Variants in FRMPD4 observed in about 807,000 individuals in gnomAD.
FRMPD4 encodes FERM and PDZ domain containing 4.
FRMPD4 carries 22 observed loss-of-function variants against 94.1 expected under a neutral mutation model. The ratio of observed to expected loss-of-function variants is 0.23; its 90% CI spans 0.17 to 0.33. The LOEUF (loss-of-function observed/expected upper bound fraction) is 0.33. FRMPD4 is among the 10% of genes least tolerant of loss of function. FRMPD4 has a pLI of 1.00. For missense variants in FRMPD4, 1,111 were observed against 1,339.9 expected, an observed-to-expected ratio of 0.83 and a Z score of 2.67; for synonymous variants, 631 against 548.6, an observed-to-expected ratio of 1.15 and a Z score of -2.10.
intron 3 of FRMPD4, among the ~76,000 whole-genome samples, chrX:12,116,613 G>GT (rs1440726321): frequency 9.0e-6 from 1 of 111,534 alleles, no homozygotes; most frequent in East Asian, 2.8e-4. Context: ...CAGGAGAAGA[G>GT]TTAAGTCATT....
intron 1 of FRMPD4, among the ~76,000 whole-genome samples, chrX:12,345,131 AGGATGGATGGAT>A (rs372484963): frequency 5.3e-4 from 52 of 97,588 alleles, no homozygotes; most frequent in African/African-American, 1.3e-3. Context: ...GACAAATGAA[AGGATGGATGGAT>A]GGATGGATGG....
At chrX:12,573,627 G>C (rs968150357) in intron 2 of FRMPD4, among the ~76,000 whole-genome samples, 1 of 112,404 alleles carries the variant, frequency 8.9e-6, no homozygotes, top group African/African-American at 3.2e-5. Context: ...GTCACTTAAC[G>C]GGGGTCCATA....
intron 1 of FRMPD4, among the ~76,000 whole-genome samples, chrX:12,297,022 A>G (rs776259659): frequency 8.9e-6 from 1 of 112,446 alleles, no homozygotes; most frequent in Non-Finnish European, 1.9e-5. Context: ...TTTCTCCCAG[A>G]TTGTGAAGCT....
At chrX:12,217,131 C>T (rs762111021) in intron 1 of FRMPD4, among the ~76,000 whole-genome samples, 1 of 111,945 alleles carries the variant, frequency 8.9e-6, no homozygotes, top group Non-Finnish European at 1.9e-5. Context: ...TGTCAGTGGA[C>T]ATTATTTGAA....
In FRMPD4 at chrX:11,966,303, C is replaced by A. The variant is rs191674335; in HGVS notation, c.95+88285C>A. Among the ~76,000 whole-genome samples the A allele has an allele frequency of 2.7e-5, 3 of 110,861 alleles. No homozygotes were observed. In the Admixed American group the frequency reaches 2.9e-4, roughly 11 times the overall value. ...TCCACCCTCATGAATGGGATTAGTGCCCTTGTAAAAGAGAAATAAAGGAGC... is the reference window on the plus strand; with the variant it reads ...TCCACCCTCATGAATGGGATTAGTGACCTTGTAAAAGAGAAATAAAGGAGC... On this transcript the variant is annotated intron_variant, in intron 3 of 18. Coordinates refer to the FRMPD4 transcript ENST00000640291.
intron 2 of FRMPD4, among the ~76,000 whole-genome samples, chrX:12,548,608 G>A: frequency 8.9e-6 from 1 of 112,538 alleles, no homozygotes; most frequent in Non-Finnish European, 1.9e-5. Flanking sequence ...TCACTACAAG[G>A]TGTCACTAAG....
chrX:12,501,562 TA>T (rs767869921), intron 2 of FRMPD4, among the ~76,000 whole-genome samples: 82 of 111,369 alleles, frequency 7.4e-4, no homozygotes, highest in Non-Finnish European at 1.1e-3. Context: ...TTTTAGAAGT[TA>T]AAGGTACAAT....
intron 2 of FRMPD4, among the ~76,000 whole-genome samples, chrX:12,505,309 G>A (rs2057969097): frequency 1.8e-5 from 2 of 111,936 alleles, no homozygotes; most frequent in African/African-American, 6.5e-5. Context: ...AGAAATTCTG[G>A]CCTGTGCCAA....
chrX:12,325,746 C>T, intron 1 of FRMPD4, among the ~76,000 whole-genome samples: 1 of 112,218 alleles, frequency 8.9e-6, no homozygotes, highest in Non-Finnish European at 1.9e-5. Flanking sequence ...CCTCAGGCCC[C>T]ACCTCAGACA....
intron 3 of FRMPD4, among the ~76,000 whole-genome samples, chrX:12,123,715 T>C (rs1236138012): frequency 1.8e-5 from 2 of 111,634 alleles, no homozygotes; most frequent in African/African-American, 6.5e-5. Context: ...TAGAGTCCAG[T>C]AGCAACCCTT....
intron 1 of FRMPD4, among the ~76,000 whole-genome samples, chrX:12,424,968 T>C (rs901067255): frequency 2.7e-5 from 3 of 112,428 alleles, no homozygotes; most frequent in Non-Finnish European, 3.8e-5. Context: ...TCAGTTTTTT[T>C]TCCCCCAAGG....
intron 3 of FRMPD4, among the ~76,000 whole-genome samples, chrX:12,021,205 A>G (rs186805561): frequency 8.9e-6 from 1 of 112,188 alleles, no homozygotes; most frequent in African/African-American, 3.2e-5. Context: ...TATAAAAAAT[A>G]ACTGAAAATA....
At chrX:12,243,962 A>T (rs1306639568) in intron 1 of FRMPD4, among the ~76,000 whole-genome samples, 1 of 106,964 alleles carries the variant, frequency 9.3e-6, no homozygotes, top group African/African-American at 3.4e-5. Flanking sequence ...TGCCCAGCTA[A>T]TTTTTTAATT....
At chrX:12,053,410 GAAAGAAAGAAAGAAAGAAAGAGAAAGAA>G (rs1569149809) in intron 3 of FRMPD4, among the ~76,000 whole-genome samples, 16 of 90,830 alleles carry the variant, frequency 1.8e-4, no homozygotes, top group Admixed American at 1.7e-3. Flanking sequence ...AAGAAAGAAA[GAAAGAAAGAAAGAAAGAAAGAGAAAGAA>G]AGAAGAGAAG....
At chrX:12,636,045 A>C (rs1399519405) in intron 4 of FRMPD4, among the ~76,000 whole-genome samples, 2 of 111,888 alleles carry the variant, frequency 1.8e-5, no homozygotes, top group Non-Finnish European at 3.8e-5. Context: ...TTTACAAAAA[A>C]TAAAAACCCA....
intron 1 of FRMPD4, among the ~76,000 whole-genome samples, chrX:12,233,401 G>A (rs938064685): frequency 9.0e-6 from 1 of 111,730 alleles, no homozygotes; most frequent in Non-Finnish European, 1.9e-5. Flanking sequence ...AAATGTTTAA[G>A]TAGAAGTCCT....
chrX:11,835,556 C>T (rs766378918), intron 1 of FRMPD4, among the ~76,000 whole-genome samples: 1 of 112,068 alleles, frequency 8.9e-6, no homozygotes, highest in African/African-American at 3.2e-5. Flanking sequence ...AGCAGGGGTA[C>T]TATAGGGTCA....
chrX:12,469,694 A>G (rs1165281632), intron 1 of FRMPD4, among the ~76,000 whole-genome samples: 1 of 112,618 alleles, frequency 8.9e-6, no homozygotes, highest in African/African-American at 3.2e-5. Flanking sequence ...AATACTCAAG[A>G]TGAAGCAAGA....
intron 2 of FRMPD4, among the ~76,000 whole-genome samples, chrX:12,529,129 C>A (rs916351901): frequency 8.9e-6 from 1 of 112,337 alleles, no homozygotes; most frequent in Admixed American, 9.4e-5. Context: ...GACTTGGAAT[C>A]TCATTTGAAA....
Sources: gnomAD v4.1 joint callset for allele counts (sites outside exome capture counted in the v4.1 genomes callset) on GRCh38, gnomAD v4.1.1 for gene constraint, MANE v1.5 for transcripts, NCBI Gene and HGNC (gene_info 2026-07-23, HGNC 2026-07-21) for gene names.